NUFIP1: variants seen among roughly 807,000 people sequenced by gnomAD.
NUFIP1 encodes nuclear FMR1 interacting protein 1.
NUFIP1 carries 38 observed loss-of-function variants against 56.2 expected under a neutral mutation model. The ratio of observed to expected loss-of-function variants is 0.68; its 90% confidence interval spans 0.52 to 0.89. The LOEUF (loss-of-function observed/expected upper bound fraction) is 0.89, where lower values mean the gene tolerates loss of function less well. NUFIP1 is among the 40% of genes least tolerant of loss of function. NUFIP1 has a pLI of 0.00. For synonymous variants in NUFIP1, 215 were observed against 212.4 expected, an observed-to-expected ratio of 1.01 and a Z score of -0.10; for missense variants, 567 against 605.8, an observed-to-expected ratio of 0.94 and a Z score of 0.67.
intron 5 of NUFIP1, among the ~76,000 whole-genome samples, chr13:44,969,409 T>A (rs1330018024): frequency 6.6e-6 from 1 of 152,122 alleles, no homozygotes; most frequent in Non-Finnish European, 1.5e-5. Flanking sequence ...ATCCAAAGAC[T>A]ATTGAAAAAA....
At chr13:44,963,608 G>C (rs527443147) in intron 6 of NUFIP1, among the ~76,000 whole-genome samples, 2 of 151,960 alleles carry the variant, frequency 1.3e-5, no homozygotes. Flanking sequence ...ACATTTTATC[G>C]AACTGTTTTC....
chr13:44,989,304 G>A lies in NUFIP1; in HGVS notation c.133C>T (p.Pro45Ser). Residue 45 changes from proline to serine, a missense_variant, in exon 1 of 10, where the codon CCA (proline) becomes TCA (serine). Physicochemically the swap from Pro to Ser is moderately conservative, Grantham distance 74. Coordinates refer to ENST00000379161, the MANE Select transcript of NUFIP1 (RefSeq NM_012345.3). ...DSWMFWAMLP[P>S]PPPPLTSSLP... ...GAGGACGTAAGTGGTGGTGGCGGTG[G>A]CGGCAGCATTGCCCAGAACATCCAG... The A allele has an allele frequency of 3.7e-6, 6 of 1,613,438 alleles. No homozygotes were observed. The highest frequency in any genetic ancestry group is 5.1e-6 in the Non-Finnish European group (6 of 1,179,874).
intron 5 of NUFIP1, among the ~76,000 whole-genome samples, chr13:44,976,373 G>A (rs796396775): frequency 1.8e-4 from 27 of 151,262 alleles, no homozygotes; most frequent in African/African-American, 6.6e-4. Context: ...GGAGGAGGAG[G>A]CGAAGGTGAA....
intron 6 of NUFIP1, among the ~76,000 whole-genome samples, chr13:44,964,953 T>C (rs565771516): frequency 6.6e-6 from 1 of 152,332 alleles, no homozygotes; most frequent in East Asian, 1.9e-4. Flanking sequence ...TCAGTTGTCT[T>C]CCCAGAAAAA....
intron 5 of NUFIP1, among the ~76,000 whole-genome samples, chr13:44,978,673 T>C (rs960568615): frequency 6.6e-6 from 1 of 152,206 alleles, no homozygotes; most frequent in Non-Finnish European, 1.5e-5. Flanking sequence ...AGCACCTGTA[T>C]CTCTTATCCT....
intron 7 of NUFIP1, among the ~76,000 whole-genome samples, chr13:44,955,494 G>T (rs183982437): frequency 3.3e-5 from 5 of 152,218 alleles, no homozygotes; most frequent in Admixed American, 3.3e-4. Flanking sequence ...TTCTGAGCCA[G>T]AAAAAGGCAA....
At position 44,941,254 on chromosome 13, in the gene NUFIP1, T is replaced by C. The variant is rs547547278; in HGVS notation, c.1440A>G (p.Lys480=). Residue 480 remains lysine (K), a synonymous_variant, in exon 10 of 10, where the codon AAA becomes AAG. Coordinates refer to ENST00000379161, the MANE Select transcript of NUFIP1 (RefSeq NM_012345.3). ...AATTAGTATCCAGTCCAAAAAAGTC[T>C]TTTTTGATGATGTACCGAACACACT... The part of the protein sequence containing the change: ...ILQCVRYIIK[K]DFFGLDTNSA... 263 of 1,611,834 alleles carry C rather than the reference T, an allele frequency of 1.6e-4. 3 individuals are homozygous for C. The Admixed American group carries it at 4.2e-3, about 26-fold the overall frequency.
At chr13:44,985,319 T>C (rs1352923845) in intron 1 of NUFIP1, among the ~76,000 whole-genome samples, 1 of 152,086 alleles carries the variant, frequency 6.6e-6, no homozygotes. Context: ...ATCCTTCCAA[T>C]TGTTTGGCAA....
Position 44,952,423 on chromosome 13 carries a change from C to T in NUFIP1, c.1022-2585G>A, listed in dbSNP as rs1215421911. Among the ~76,000 whole-genome samples, 6 of 152,260 alleles carry T rather than the reference C, an allele frequency of 3.9e-5. No homozygotes were observed. In the South Asian group the frequency reaches 1.2e-3, roughly 32 times the overall value. On this transcript the variant is annotated intron_variant, in intron 7 of 9. Transcript: ENST00000379161. ...TACAGGCATGAGCCACTATGCCCAG[C>T]TCCCACATTTTCTATATTACTTTTA...
intron 7 of NUFIP1, among the ~76,000 whole-genome samples, chr13:44,956,740 G>C (rs969368415): frequency 2.0e-5 from 3 of 152,174 alleles, no homozygotes; most frequent in African/African-American, 7.2e-5. Flanking sequence ...TAGTAAGGCA[G>C]GCAATAGGGA....
intron 6 of NUFIP1, among the ~76,000 whole-genome samples, chr13:44,962,367 T>C (rs895385329): frequency 1.3e-5 from 2 of 152,242 alleles, no homozygotes; most frequent in African/African-American, 4.8e-5. Context: ...TGTTTCTCAG[T>C]GGATCTGTTT....
chr13:44,989,403 T>A lies in NUFIP1; in HGVS notation c.34A>T (p.Ile12Phe), dbSNP rs374811062. 1 of 1,613,618 alleles carries A rather than the reference T, an allele frequency of 6.2e-7. No individual in the cohort carries two copies. The highest frequency in any genetic ancestry group is 2.2e-5 in the East Asian group (1 of 44,834). ...AGCTCGGGAGACGCATGCCACCCGA[T>A]AGGAGTCTCGAAATCACTAGTCGGC... ...AEPTSDFETP[I>F]GWHASPELTP... The change falls in exon 1 of 10, where the codon ATC (isoleucine) becomes TTC (phenylalanine). Residue 12 changes from isoleucine to phenylalanine, a missense_variant. By Grantham distance (21) the Ile-to-Phe change is conservative (BLOSUM62 0). Transcript: ENST00000379161.
At chr13:44,978,384 G>A (rs1181696239) in intron 5 of NUFIP1, among the ~76,000 whole-genome samples, 3 of 151,894 alleles carry the variant, frequency 2.0e-5, no homozygotes, top group Admixed American at 1.3e-4. Flanking sequence ...TTTCATCCCA[G>A]GCTCTCTTCA....
At chr13:44,979,069 A>T in intron 5 of NUFIP1, 121 bp downstream of exon 5, 4 of 721,198 alleles carry the variant, frequency 5.5e-6, no homozygotes, top group Non-Finnish European at 9.2e-6. Context: ...AGTCTTACAT[A>T]ATATGCCTTA....
chr13:44,954,776 C>T (rs1170039202), intron 7 of NUFIP1, among the ~76,000 whole-genome samples: 1 of 152,172 alleles, frequency 6.6e-6, no homozygotes, highest in African/African-American at 2.4e-5. Flanking sequence ...TAGTCTCCAG[C>T]TCTCAAAGAA....
In NUFIP1 at chr13:44,980,775, G is replaced by T; in HGVS notation, c.541C>A (p.Arg181Ser). 1.2e-6 allele frequency: 2 copies of T among 1,603,946 alleles called. No individual in the cohort carries two copies. Among genetic ancestry groups the T allele is most frequent in the South Asian group, 1.1e-5 (1 of 88,030 alleles). Residue 181 changes from arginine (R) to serine (S), a missense_variant, in exon 3 of 10, where the codon CGT becomes AGT. Arg to Ser is a moderately radical substitution (Grantham distance 110). Transcript: ENST00000379161. ...VFHFFCDTCD[R>S]GFKNQEKYDK... ...TACTTTTCTTGATTTTTAAAACCAC[G>T]ATCACAGGTATCACAAAAAAAGTGA...
intron 7 of NUFIP1, among the ~76,000 whole-genome samples, chr13:44,952,503 CTG>C (rs1417881288): frequency 1.3e-5 from 2 of 152,198 alleles, no homozygotes; most frequent in East Asian, 3.8e-4. Context: ...CTCTGGAAAA[CTG>C]TATTCTTCAC....
At chr13:44,969,209 T>G (rs556397100) in intron 5 of NUFIP1, among the ~76,000 whole-genome samples, 1 of 152,066 alleles carries the variant, frequency 6.6e-6, no homozygotes, top group South Asian at 2.1e-4. Context: ...TATTTAAAAC[T>G]AGAGAGAAAA....
At chr13:44,982,562 T>G (rs1361544175) in intron 1 of NUFIP1, among the ~76,000 whole-genome samples, 1 of 152,164 alleles carries the variant, frequency 6.6e-6, no homozygotes, top group Non-Finnish European at 1.5e-5. Flanking sequence ...TTTCCATTCT[T>G]ATTACCATGC....
Sources: gnomAD v4.1 joint callset for allele counts (sites outside exome capture counted in the v4.1 genomes callset) on GRCh38, gnomAD v4.1.1 for gene constraint, MANE v1.5 for transcripts, NCBI Gene and HGNC (gene_info 2026-07-23, HGNC 2026-07-21) for gene names.